The following KCNIP4 variants were observed in gnomAD, a reference collection of about 807,000 sequenced individuals.
KCNIP4 encodes the protein potassium voltage-gated channel interacting protein 4.
A neutral mutation model predicts 34.0 loss-of-function variants in KCNIP4; 12 were observed. The ratio of observed to expected loss-of-function variants is 0.35; its 90% CI spans 0.23 to 0.57. The LOEUF is 0.57. KCNIP4 is among the 20% of genes least tolerant of loss of function. KCNIP4 has a pLI of 0.83. For synonymous variants in KCNIP4, 124 were observed against 102.2 expected (o/e 1.21, Z -1.29); for missense variants, 238 against 311.7 (o/e 0.76, Z 1.78).
At chr4:21,626,333 T>C (rs1389966565) in intron 1 of KCNIP4, among the ~76,000 whole-genome samples, 2 of 151,918 alleles carry the variant, frequency 1.3e-5, no homozygotes, top group Non-Finnish European at 2.9e-5. Context: ...ATGGTCAGGT[T>C]CTCATGATGG....
At chr4:21,811,973 A>T (rs1276515314) in intron 1 of KCNIP4, among the ~76,000 whole-genome samples, 4 of 152,180 alleles carry the variant, frequency 2.6e-5, no homozygotes, top group Admixed American at 2.0e-4. Flanking sequence ...GATGAGCTAC[A>T]CCAATTTTTC....
intron 1 of KCNIP4, among the ~76,000 whole-genome samples, chr4:21,066,316 T>C (rs1000857498): frequency 1.3e-5 from 2 of 152,088 alleles, no homozygotes; most frequent in African/African-American, 4.8e-5. Flanking sequence ...CATGGTCAAA[T>C]AGAAGCACCC....
intron 1 of KCNIP4, among the ~76,000 whole-genome samples, chr4:21,631,311 A>T (rs952772513): frequency 2.6e-5 from 4 of 152,320 alleles, no homozygotes; most frequent in Admixed American, 2.6e-4. Context: ...CCATGCTTTT[A>T]TTTTAATTAA....
chr4:21,647,148 C>A (rs1747081171), intron 1 of KCNIP4, among the ~76,000 whole-genome samples: 1 of 151,946 alleles, frequency 6.6e-6, no homozygotes, highest in South Asian at 2.1e-4. Flanking sequence ...ATCTAATTAT[C>A]TTTGAGTTGC....
chr4:21,015,298 T>C (rs898771164), intron 1 of KCNIP4, among the ~76,000 whole-genome samples: 3 of 148,530 alleles, frequency 2.0e-5, no homozygotes, highest in Non-Finnish European at 4.5e-5. Context: ...ATTATATATA[T>C]TATAAAAATG....
chr4:20,763,488 T>A (rs972612578), intron 3 of KCNIP4, among the ~76,000 whole-genome samples: 1 of 152,154 alleles, frequency 6.6e-6, no homozygotes, highest in Admixed American at 6.6e-5. Context: ...ACATGGAAAC[T>A]TTTTATGGGC....
chr4:21,175,149 A>C (rs965404644), intron 1 of KCNIP4, among the ~76,000 whole-genome samples: 8 of 147,796 alleles, frequency 5.4e-5, no homozygotes, highest in Non-Finnish European at 1.0e-4. Flanking sequence ...AAAAAAAAAA[A>C]CTCTGCAATT....
At chr4:21,452,048 C>T (rs574395563) in intron 1 of KCNIP4, among the ~76,000 whole-genome samples, 1 of 152,052 alleles carries the variant, frequency 6.6e-6, no homozygotes, top group African/African-American at 2.4e-5. Context: ...TCCCCCCCAA[C>T]TCCGCCTTCC....
At chr4:21,087,145 AATGTGTGTGTGTGT>A (rs1302900245) in intron 1 of KCNIP4, among the ~76,000 whole-genome samples, 3 of 70,260 alleles carry the variant, frequency 4.3e-5, no homozygotes, top group African/African-American at 9.8e-5. Context: ...ACTGCTGGGT[AATGTGTGTGTGTGT>A]GTGTGTGTGT....
At chr4:20,763,593 G>T (rs1003573432) in intron 3 of KCNIP4, among the ~76,000 whole-genome samples, 2 of 152,152 alleles carry the variant, frequency 1.3e-5, no homozygotes, top group Non-Finnish European at 2.9e-5. Context: ...AAGAAGTCTG[G>T]TATGGCCAGA....
intron 1 of KCNIP4, among the ~76,000 whole-genome samples, chr4:21,445,735 C>T (rs1005195672): frequency 1.3e-5 from 2 of 152,184 alleles, no homozygotes; most frequent in Non-Finnish European, 2.9e-5. Context: ...ATGTCTAAAA[C>T]ACCAAAGCAA....
chr4:21,366,762 G>A (rs1156937161), intron 1 of KCNIP4, among the ~76,000 whole-genome samples: 1 of 152,082 alleles, frequency 6.6e-6, no homozygotes, highest in Non-Finnish European at 1.5e-5. Context: ...GGAACAGAGA[G>A]AAATAGAGAA....
intron 3 of KCNIP4, among the ~76,000 whole-genome samples, chr4:20,818,513 G>A (rs1317910622): frequency 6.6e-6 from 1 of 152,128 alleles, no homozygotes; most frequent in African/African-American, 2.4e-5. Context: ...GCCATCCCTT[G>A]GGGGACTTTT....
chr4:20,851,314 G>A (rs1354046760), intron 2 of KCNIP4, among the ~76,000 whole-genome samples: 3 of 152,176 alleles, frequency 2.0e-5, no homozygotes, highest in Admixed American at 6.5e-5. Flanking sequence ...TTAGTTTGCT[G>A]TAGAGAATGG....
At chr4:21,362,921 C>G (rs1000398128) in intron 1 of KCNIP4, among the ~76,000 whole-genome samples, 7 of 152,052 alleles carry the variant, frequency 4.6e-5, no homozygotes, top group African/African-American at 1.7e-4. Flanking sequence ...AATTGTCATT[C>G]TTGCATCTGT....
intron 1 of KCNIP4, among the ~76,000 whole-genome samples, chr4:21,634,961 T>C (rs1577727792): frequency 6.6e-6 from 1 of 152,320 alleles, no homozygotes; most frequent in East Asian, 1.9e-4. Flanking sequence ...AGAATACACC[T>C]TAATAATCCA....
At chr4:21,879,431 G>T (rs2109381424) in intron 1 of KCNIP4, among the ~76,000 whole-genome samples, 1 of 152,354 alleles carries the variant, frequency 6.6e-6, no homozygotes, top group East Asian at 1.9e-4. Context: ...AGGCCAATCT[G>T]ACCAGCATGG....
chr4:21,429,486 T>C (rs1323795258), intron 1 of KCNIP4, among the ~76,000 whole-genome samples: 5 of 152,176 alleles, frequency 3.3e-5, no homozygotes, highest in African/African-American at 1.2e-4. Flanking sequence ...TTTCAGCTCC[T>C]TTAAGTAAAG....
At chr4:21,270,426 G>A (rs1229075338) in intron 1 of KCNIP4, among the ~76,000 whole-genome samples, 2 of 152,142 alleles carry the variant, frequency 1.3e-5, no homozygotes, top group African/African-American at 2.4e-5. Flanking sequence ...TAACGTAAAC[G>A]TGTTAAGATG....
Sources: gnomAD v4.1 joint callset for allele counts (sites outside exome capture counted in the v4.1 genomes callset) on GRCh38, gnomAD v4.1.1 for gene constraint, MANE v1.5 for transcripts, NCBI Gene and HGNC (gene_info 2026-07-23, HGNC 2026-07-21) for gene names.